The following TMEM144 variants were observed in gnomAD, a reference collection of about 807,000 sequenced individuals.
The protein encoded by TMEM144 is transmembrane protein 144.
A neutral mutation model predicts 43.6 loss-of-function variants in TMEM144; 39 were observed. The observed-to-expected ratio is 0.90, with a 90% confidence interval of 0.69 to 1.17. The LOEUF (loss-of-function observed/expected upper bound fraction) is 1.17, where lower values mean the gene tolerates loss of function less well. TMEM144 is among the 50% of genes most tolerant of loss of function. The probability of loss-of-function intolerance (pLI) is 0.00; values close to 1 mark genes in which losing one functional copy is unlikely to be tolerated. For missense variants in TMEM144, 417 were observed against 411.9 expected (o/e 1.01, Z -0.11); for synonymous variants, 154 against 133.6 (o/e 1.15, Z -1.06).
rs536058771 is a variant in TMEM144, at chr4:158,244,146, C to A, written c.901-150C>A. ...CTTCATTTTTTTTACTTAATATCAC[C>A]TAAAGTTTAGCTTAGTGTGGAGTTA... On this transcript the variant is annotated intron_variant, in intron 11 of 12. Coordinates refer to ENST00000296529, the MANE Select transcript of TMEM144 (RefSeq NM_018342.5). 1.5e-5 allele frequency: 6 copies of A among 399,262 alleles called. No individual in the cohort carries two copies. In the South Asian group the frequency reaches 5.4e-4, roughly 36 times the overall value. 24.7% of individuals were successfully genotyped at this position (399,262 alleles called of 1,614,324 possible).
chr4:158,219,454 C>A, intron 6 of TMEM144, 64 bp downstream of exon 6: 1 of 1,437,536 alleles, frequency 7.0e-7, no homozygotes, highest in African/African-American at 1.4e-5. Context: ...TTTTAAGGAT[C>A]CTGCTATGTT....
intron 12 of TMEM144, among the ~76,000 whole-genome samples, chr4:158,250,713 A>G (rs1736159522): frequency 6.6e-6 from 1 of 152,156 alleles, no homozygotes; most frequent in Non-Finnish European, 1.5e-5. Context: ...AGTTTGGTGC[A>G]TGTTCTTCAC....
chr4:158,241,498 T>C lies in TMEM144; in HGVS notation c.803-11T>C, dbSNP rs759046767. The C allele has an allele frequency of 5.0e-6, 8 of 1,609,840 alleles. No homozygotes were observed. In the East Asian group the frequency reaches 1.8e-4, roughly 36 times the overall value. Reference sequence around the variant, plus strand: ...CATGGTCTGCAAATGTGTGTTGTCTTTGTATTTCAGGATTCCTGTCAGGAG... The same window carrying C: ...CATGGTCTGCAAATGTGTGTTGTCTCTGTATTTCAGGATTCCTGTCAGGAG... On this transcript the variant is annotated splice_polypyrimidine_tract_variant and intron_variant, in intron 10 of 12. Coordinates refer to ENST00000296529, the MANE Select transcript of TMEM144 (RefSeq NM_018342.5).
intron 6 of TMEM144, among the ~76,000 whole-genome samples, chr4:158,226,888 T>C (rs1734798342): frequency 6.6e-6 from 1 of 152,118 alleles, no homozygotes; most frequent in Non-Finnish European, 1.5e-5. Flanking sequence ...CCCCCCTTTT[T>C]TTCTTTTCTT....
chr4:158,212,675 A>G lies in TMEM144; in HGVS notation c.8A>G (p.Asn3Ser). Reference protein sequence around the residue: MSNNGADLTFGYI... With the variant: MSSNGADLTFGYI... ...CTCATTAAGACTGGAATCATGAGCA[A>G]CAATGGAGCAGACCTAACCTTTGGT... Residue 3 changes from asparagine (N) to serine (S), a missense_variant, in exon 3 of 13, where the codon AAC (asparagine) becomes AGC (serine). Physicochemically the swap from Asn to Ser is conservative, Grantham distance 46. Transcript: ENST00000296529. 1.9e-6 allele frequency: 3 copies of G among 1,609,746 alleles called. No individual in the cohort carries two copies. Among genetic ancestry groups the G allele is most frequent in the Non-Finnish European group, 2.5e-6 (3 of 1,178,370 alleles).
At chr4:158,246,189 T>C (rs1287430405) in intron 12 of TMEM144, among the ~76,000 whole-genome samples, 1 of 152,212 alleles carries the variant, frequency 6.6e-6, no homozygotes, top group Non-Finnish European at 1.5e-5. Flanking sequence ...GTAGAAAAAG[T>C]CTTCAGTTGA....
chr4:158,233,002 C>T lies in TMEM144; in HGVS notation c.495+20C>T. ...GAGCATGTGAGTATAGTATGAGAGACAACTTGATTTGAAACATAAAATTAA... is the reference window on the plus strand; with the variant it reads ...GAGCATGTGAGTATAGTATGAGAGATAACTTGATTTGAAACATAAAATTAA... On this transcript the variant is annotated intron_variant, in intron 7 of 12. Transcript: ENST00000296529. 6.6e-7 allele frequency: 1 copy of T among 1,517,814 alleles called. No homozygotes were observed. Among genetic ancestry groups the T allele is most frequent in the South Asian group, 1.2e-5 (1 of 82,264 alleles). 94.0% of individuals were successfully genotyped at this position (1,517,814 alleles called of 1,614,324 possible).
chr4:158,224,721 G>C (rs113896693), intron 6 of TMEM144, among the ~76,000 whole-genome samples: 1 of 152,124 alleles, frequency 6.6e-6, no homozygotes, highest in East Asian at 1.9e-4. Context: ...TGAGTTCTGC[G>C]ATGAGTTTCC....
At chr4:158,215,958 T>TA (rs1579102459) in intron 4 of TMEM144, among the ~76,000 whole-genome samples, 1 of 145,178 alleles carries the variant, frequency 6.9e-6, no homozygotes, top group East Asian at 1.9e-4. Flanking sequence ...AAATAAATGT[T>TA]AAAATGTTAA....
intron 12 of TMEM144, among the ~76,000 whole-genome samples, chr4:158,248,123 TA>T (rs753919532): frequency 0.025 from 2,447 of 99,618 alleles, 64 homozygotes; most frequent in African/African-American, 0.072. Flanking sequence ...AGCAAAGAAT[TA>T]AAAAAAAAAA....
intron 6 of TMEM144, 94 bp downstream of exon 6, chr4:158,219,484 T>G: frequency 8.3e-7 from 1 of 1,199,846 alleles, no homozygotes; most frequent in Non-Finnish European, 1.2e-6. Context: ...TAAACCTACA[T>G]TTCGTAAAAT....
intron 10 of TMEM144, 120 bp downstream of exon 10, chr4:158,240,538 TGTTGTG>T: frequency 9.1e-7 from 1 of 1,096,122 alleles, no homozygotes; most frequent in Non-Finnish European, 1.3e-6. Flanking sequence ...GGTGTGTGTG[TGTTGTG>T]TGTGTGTGTG....
At position 158,212,601 on chromosome 4, in the gene TMEM144, A is replaced by G. The variant is rs1006874736; in HGVS notation, c.-60-7A>G. On this transcript the variant is annotated splice_polypyrimidine_tract_variant and splice_region_variant and intron_variant, in intron 2 of 12. Transcript: ENST00000296529. ...TCTCAATTGTTTCATTTTTTCTTTT[A>G]TTTCAGAAGCTCCTGAAAAGTACAT... The G allele has an allele frequency of 8.6e-6, 10 of 1,157,464 alleles. No individual in the cohort carries two copies. The African/African-American group carries it at 9.3e-5, about 11-fold the overall frequency. The allele number at this position is 1,157,464 out of a possible 1,614,324, so 71.7% of individuals were successfully genotyped here.
chr4:158,234,215 A>G (rs1192714909), intron 7 of TMEM144: 1 of 152,154 alleles, frequency 6.6e-6, no homozygotes, highest in African/African-American at 2.4e-5. Flanking sequence ...TCTTACAAAA[A>G]TAATAGGATT....
At chr4:158,232,540 G>C (rs1276811309) in intron 6 of TMEM144, among the ~76,000 whole-genome samples, 3 of 152,174 alleles carry the variant, frequency 2.0e-5, no homozygotes, top group African/African-American at 7.2e-5. Context: ...CCTAGCGTTT[G>C]TCCAACTGAG....
At chr4:158,250,690 C>T (rs190596300) in intron 12 of TMEM144, among the ~76,000 whole-genome samples, 1 of 152,280 alleles carries the variant, frequency 6.6e-6, no homozygotes, top group East Asian at 1.9e-4. Flanking sequence ...CATGGCCTGG[C>T]TGTAGGAACC....
At chr4:158,232,455 G>C (rs1197569034) in intron 6 of TMEM144, among the ~76,000 whole-genome samples, 2 of 152,186 alleles carry the variant, frequency 1.3e-5, no homozygotes, top group African/African-American at 4.8e-5. Context: ...GGCCTCAGTA[G>C]ATCACCCCAG....
At chr4:158,247,239 C>T (rs943458383) in intron 12 of TMEM144, among the ~76,000 whole-genome samples, 6 of 151,750 alleles carry the variant, frequency 4.0e-5, no homozygotes, top group Admixed American at 6.6e-5. Context: ...GTATGTCTAT[C>T]AAAACAAAAT....
chr4:158,253,436 T>C lies in TMEM144; in HGVS notation c.955-8T>C. The C allele has an allele frequency of 6.2e-7, 1 of 1,608,330 alleles. No homozygotes were observed. ...TATTCATCACTGTTATTCTTTTTTCTTATTCAGGGTCTACAAAACTACCTA... is the reference window on the plus strand; with the variant it reads ...TATTCATCACTGTTATTCTTTTTTCCTATTCAGGGTCTACAAAACTACCTA... On this transcript the variant is annotated splice_polypyrimidine_tract_variant and splice_region_variant and intron_variant, in intron 12 of 12. Transcript: ENST00000296529.
Sources: gnomAD v4.1 joint callset for allele counts (sites outside exome capture counted in the v4.1 genomes callset) on GRCh38, gnomAD v4.1.1 for gene constraint, MANE v1.5 for transcripts, NCBI Gene and HGNC (gene_info 2026-07-23, HGNC 2026-07-21) for gene names.